The following PRIM2 variants were observed in gnomAD, a reference collection of about 807,000 sequenced individuals.
PRIM2 encodes DNA primase large subunit.
Under a neutral mutation model 67.3 loss-of-function variants are expected in PRIM2, and 39 were observed. That is an observed-to-expected ratio of 0.58 (90% CI 0.45 to 0.76). PRIM2 has a LOEUF of 0.76. Ranked by LOEUF, PRIM2 falls within the 30% of genes least tolerant of loss-of-function variation. PRIM2 has a pLI of 0.00. For synonymous variants in PRIM2, 143 were observed against 198.7 expected (o/e 0.72, Z 2.36); for missense variants, 398 against 598.7 (o/e 0.66, Z 3.50).
the PRIM2 span, among the ~76,000 whole-genome samples, chr6:57,284,026 A>C: frequency 1.3e-5 from 2 of 152,140 alleles, no homozygotes; most frequent in Non-Finnish European, 1.5e-5. Flanking sequence ...TACTCTCAAA[A>C]GTGTGCTTAT....
At chr6:57,602,633 T>C (rs1202852200) in intron 11 of PRIM2, among the ~76,000 whole-genome samples, 1 of 152,192 alleles carries the variant, frequency 6.6e-6, no homozygotes. Context: ...TCTGCAAATT[T>C]CCAGGTTCTA....
At position 57,443,679 on chromosome 6, in the gene PRIM2, G is replaced by T. The variant is rs533461874; in HGVS notation, c.693+61511G>T. On this transcript the variant is annotated intron_variant, in intron 7 of 13. Transcript: ENST00000615550. ...TTTGGATGTTAAACCCTTATCAGGC[G>T]TAACACTTGGAAATATTTTCTCCCA... is the stretch of plus-strand genomic sequence containing the variant. 9.0e-4 allele frequency among the ~76,000 whole-genome samples: 137 copies of T among 152,134 alleles called. 1 individual carries two copies. Among genetic ancestry groups the T allele is most frequent in the African/African-American group, 3.2e-3 (131 of 41,500 alleles).
At chr6:57,601,906 A>G in intron 11 of PRIM2, among the ~76,000 whole-genome samples, 2 of 152,286 alleles carry the variant, frequency 1.3e-5, no homozygotes, top group Non-Finnish European at 2.9e-5. Context: ...TGGACTGCTA[A>G]AGATCAAATA....
the PRIM2 span, among the ~76,000 whole-genome samples, chr6:57,273,419 C>T: frequency 5.3e-5 from 8 of 152,226 alleles, no homozygotes; most frequent in East Asian, 7.7e-4. Flanking sequence ...TTGATCACAT[C>T]GGCTACTGAG....
chr6:57,456,992 G>A (rs1419427820), intron 7 of PRIM2, among the ~76,000 whole-genome samples: 4 of 152,158 alleles, frequency 2.6e-5, no homozygotes, highest in African/African-American at 4.8e-5. Flanking sequence ...CTGTTTGTTA[G>A]TTTTCCTTCT....
At chr6:57,352,499 A>G (rs1016754469) in intron 5 of PRIM2, among the ~76,000 whole-genome samples, 1 of 152,142 alleles carries the variant, frequency 6.6e-6, no homozygotes, top group Non-Finnish European at 1.5e-5. Context: ...TCGGCCTCCC[A>G]AAGAGCTGGG....
At chr6:57,394,085 C>G (rs1770444680) in intron 7 of PRIM2, among the ~76,000 whole-genome samples, 1 of 152,146 alleles carries the variant, frequency 6.6e-6, no homozygotes, top group African/African-American at 2.4e-5. Context: ...AGTTTGAAAT[C>G]AGGTAATGTG....
intron 5 of PRIM2, among the ~76,000 whole-genome samples, chr6:57,357,761 A>G (rs1483337968): frequency 6.6e-6 from 1 of 151,926 alleles, no homozygotes; most frequent in Non-Finnish European, 1.5e-5. Context: ...ACTCCTGGCT[A>G]ATGTTTGTAT....
intron 10 of PRIM2, among the ~76,000 whole-genome samples, chr6:57,592,127 A>G (rs1317871919): frequency 6.6e-6 from 1 of 152,082 alleles, no homozygotes; most frequent in Non-Finnish European, 1.5e-5. Context: ...TTGGGTACGC[A>G]TGGACATAAA....
the PRIM2 span, among the ~76,000 whole-genome samples, chr6:57,261,187 T>C: frequency 6.6e-6 from 1 of 152,158 alleles, no homozygotes; most frequent in Non-Finnish European, 1.5e-5. Context: ...TACCAGGAGA[T>C]GACAAAGGTA....
At chr6:57,530,986 A>C (rs1306433706) in intron 8 of PRIM2, among the ~76,000 whole-genome samples, 4 of 152,138 alleles carry the variant, frequency 2.6e-5, no homozygotes, top group African/African-American at 9.7e-5. Flanking sequence ...GACAGGTGTG[A>C]GCCAGCTATA....
intron 13 of PRIM2, among the ~76,000 whole-genome samples, chr6:57,637,627 G>C (rs1434295284): frequency 6.6e-6 from 1 of 152,068 alleles, no homozygotes; most frequent in African/African-American, 2.4e-5. Context: ...ATCTGTAGTC[G>C]AATTGACAAG....
At chr6:57,322,848 T>G (rs951878888) in intron 3 of PRIM2, among the ~76,000 whole-genome samples, 4 of 152,082 alleles carry the variant, frequency 2.6e-5, no homozygotes, top group African/African-American at 4.8e-5. Context: ...TTCTGTAAAG[T>G]AGGTGAAGTC....
the PRIM2 span, among the ~76,000 whole-genome samples, chr6:57,257,595 T>G: frequency 6.6e-6 from 1 of 152,152 alleles, no homozygotes; most frequent in Non-Finnish European, 1.5e-5. Flanking sequence ...AGGCACAACT[T>G]TAATGGAATT....
intron 7 of PRIM2, among the ~76,000 whole-genome samples, chr6:57,479,070 T>C (rs1773550577): frequency 6.6e-6 from 1 of 152,170 alleles, no homozygotes; most frequent in African/African-American, 2.4e-5. Context: ...TGCTTGAACC[T>C]GGGAGATGGA....
the PRIM2 span, among the ~76,000 whole-genome samples, chr6:57,308,942 T>TA: frequency 2.6e-5 from 4 of 151,918 alleles, no homozygotes; most frequent in Admixed American, 2.6e-4. Context: ...TTGTTTATTT[T>TA]TTTTTTTAGT....
the PRIM2 span, among the ~76,000 whole-genome samples, chr6:57,260,320 G>C: frequency 3.3e-5 from 5 of 152,166 alleles, no homozygotes; most frequent in African/African-American, 1.2e-4. Flanking sequence ...AAATATATTT[G>C]ACTTGGAAAA....
chr6:57,243,316 G>A, the PRIM2 span, among the ~76,000 whole-genome samples: 1 of 152,180 alleles, frequency 6.6e-6, no homozygotes, highest in East Asian at 1.9e-4. Context: ...GAAAGCCTGA[G>A]TTCAGAATGG....
chr6:57,621,326 A>G (rs1776849874), intron 12 of PRIM2, among the ~76,000 whole-genome samples: 1 of 152,150 alleles, frequency 6.6e-6, no homozygotes, highest in Non-Finnish European at 1.5e-5. Context: ...CCTTAGTTCT[A>G]TTAATGAGGA....
Sources: gnomAD v4.1 joint callset for allele counts (sites outside exome capture counted in the v4.1 genomes callset) on GRCh38, gnomAD v4.1.1 for gene constraint, MANE v1.5 for transcripts, NCBI Gene and HGNC (gene_info 2026-07-23, HGNC 2026-07-21) for gene names.